Variants in MELTF observed in about 807,000 individuals in gnomAD.
MELTF encodes melanotransferrin, also known as antigen p97 (melanoma associated) identified by monoclonal antibodies 133.2 and 96.5.
MELTF carries 67 observed loss-of-function variants against 83.7 expected under a neutral mutation model. The observed-to-expected ratio is 0.80, with a 90% CI of 0.66 to 0.98. The LOEUF (loss-of-function observed/expected upper bound fraction) is 0.98, where lower values mean the gene tolerates loss of function less well. MELTF is among the 50% of genes least tolerant of loss of function. The pLI is 0.00. For synonymous variants in MELTF, 462 were observed against 447.6 expected (o/e 1.03, Z -0.41); for missense variants, 1,002 against 1,035.6 (o/e 0.97, Z 0.44).
chr3:197,019,104 G>C (rs888338489), intron 6 of MELTF: 3 of 985,774 alleles, frequency 3.0e-6, no homozygotes, highest in Non-Finnish European at 1.2e-6. Context: ...CAGAGTGATC[G>C]TTTAGGAAAA....
chr3:197,013,762 C>T (rs1719263878), intron 9 of MELTF, among the ~76,000 whole-genome samples: 1 of 152,222 alleles, frequency 6.6e-6, no homozygotes, highest in Admixed American at 6.5e-5. Context: ...GCAGCCATCA[C>T]TGATCATCAG....
rs1244415600 is a variant in MELTF, at chr3:197,022,614, A to G, written c.644+343T>C. On this transcript the variant is annotated intron_variant, in intron 5 of 15. Transcript: ENST00000296350. This position sits in a 1 kb window ranked among gnomAD's most constrained non-coding sequence, Gnocchi z 5.1. The stretch of plus-strand genomic sequence containing the variant: ...CCAGCAGCAGAGACGGGCCGGCCCC[A>G]GGTGTCCAGACACACTCCCCTGACC... Among the ~76,000 whole-genome samples, 4 of 152,122 alleles carry G rather than the reference A, an allele frequency of 2.6e-5. No homozygotes were observed. The highest frequency in any genetic ancestry group is 2.0e-4 in the Admixed American group (3 of 15,276).
rs1719773683 is a variant in MELTF at position 197,024,503 on chromosome 3, T to C, written c.305-18A>G. Reference sequence around the variant, plus strand: ...ACCGACCTCTAGGAGGGGAGGGGAGTGGGTGAGGGCAGCAGGGAGAGGCCT... The same window carrying C: ...ACCGACCTCTAGGAGGGGAGGGGAGCGGGTGAGGGCAGCAGGGAGAGGCCT... On this transcript the variant is annotated intron_variant, in intron 3 of 15. Coordinates refer to ENST00000296350, the MANE Select transcript of MELTF (RefSeq NM_005929.6). This position sits in a 1 kb window ranked among gnomAD's most constrained non-coding sequence, Gnocchi z 5.3. 6.4e-7 allele frequency: 1 copy of C among 1,555,712 alleles called. No individual in the cohort carries two copies. The highest frequency in any genetic ancestry group is 8.7e-7 in the Non-Finnish European group (1 of 1,143,492).
chr3:197,026,086 T>G (rs1398195415), intron 3 of MELTF: 4 of 153,232 alleles, frequency 2.6e-5, no homozygotes, highest in African/African-American at 9.6e-5. Context: ...GAACTCACAC[T>G]TTCCAGCACA....
Position 197,015,364 on chromosome 3 carries a change from C to T in MELTF, c.1233+1G>A. The T allele has an allele frequency of 1.3e-6, 2 of 1,555,124 alleles. No individual in the cohort carries two copies. Among genetic ancestry groups the T allele is most frequent in the South Asian group, 2.4e-5 (2 of 84,394 alleles). ...CCACGCTGCACCTGCGTGACTCCCA[C>T]CTGGATCCGCTCCATGCAGTGTTGG... On this transcript the variant is annotated splice_donor_variant, in intron 9 of 15. Coordinates refer to ENST00000296350, the MANE Select transcript of MELTF (RefSeq NM_005929.6). LOFTEE classifies it high-confidence loss of function.
Position 197,024,502 on chromosome 3 carries a change from G to C in MELTF, c.305-17C>G. ...TACCGACCTCTAGGAGGGGAGGGGA[G>C]TGGGTGAGGGCAGCAGGGAGAGGCC... On this transcript the variant is annotated splice_polypyrimidine_tract_variant and intron_variant, in intron 3 of 15. Coordinates refer to ENST00000296350, the MANE Select transcript of MELTF (RefSeq NM_005929.6). This position sits in a 1 kb window ranked among gnomAD's most constrained non-coding sequence, Gnocchi z 5.3. The C allele has an allele frequency of 6.4e-7, 1 of 1,560,050 alleles. No homozygotes were observed. The highest frequency in any genetic ancestry group is 8.7e-7 in the Non-Finnish European group (1 of 1,145,556).
rs755241100 is a variant in MELTF, at chr3:197,024,315, C to T, written c.475G>A (p.Asp159Asn). The T allele has an allele frequency of 1.7e-5, 27 of 1,574,670 alleles. No homozygotes were observed. The Admixed American group carries it at 2.3e-4, about 13-fold the overall frequency. Residue 159 changes from aspartate to asparagine, a missense_variant, in exon 4 of 16, where the codon GAT (aspartate) becomes AAT (asparagine). Physicochemically the swap from Asp to Asn is conservative, Grantham distance 23 (BLOSUM62 1). Coordinates refer to ENST00000296350, the MANE Select transcript of MELTF (RefSeq NM_005929.6). This position sits in a 1 kb window ranked among gnomAD's most constrained non-coding sequence, Gnocchi z 5.3. ...ESGRLSVMGC[D>N]VLKAVSDYFG... The stretch of plus-strand genomic sequence containing the variant: ...CCAAAGCCCTCACCTTTGAGTACAT[C>T]GCAGCCCATCACCGAGAGGCGGCCG...
At position 197,007,887 on chromosome 3, in the gene MELTF, G is replaced by T. The variant is rs1719036147; in HGVS notation, c.1750+770C>A. On this transcript the variant is annotated intron_variant, in intron 13 of 15. Transcript: ENST00000296350. The surrounding 1 kb of genome is among the most constrained non-coding windows in gnomAD (Gnocchi z 4.3). ...CCTTTCTGGGCTAAGTCTATAGGAG[G>T]AGACATGTTGGGAGCGAGTGGAGAA... Among the ~76,000 whole-genome samples the T allele has an allele frequency of 6.6e-6, 1 of 152,226 alleles. No individual in the cohort carries two copies. Among genetic ancestry groups the T allele is most frequent in the Non-Finnish European group, 1.5e-5 (1 of 68,040 alleles).
chr3:197,022,887 G>A lies in MELTF; in HGVS notation c.644+70C>T. On this transcript the variant is annotated intron_variant, in intron 5 of 15. Coordinates refer to ENST00000296350, the MANE Select transcript of MELTF (RefSeq NM_005929.6). This position sits in a 1 kb window ranked among gnomAD's most constrained non-coding sequence, Gnocchi z 5.1. ...TCCACGGCCCTCTCTGGGCAAAGGT[G>A]TTTTTCCCCAGCATTTGTGGCCTCA... The A allele has an allele frequency of 2.0e-6, 3 of 1,467,146 alleles. No individual in the cohort carries two copies. The South Asian group carries it at 3.9e-5, about 19-fold the overall frequency. 90.9% of individuals were successfully genotyped at this position (1,467,146 alleles called of 1,614,324 possible). A position where few individuals can be genotyped will look rare whatever the true frequency, so the allele number is the denominator to read the frequency against.
rs924150680 is a variant in MELTF, at chr3:197,029,654, C to T, written c.49G>A (p.Val17Met). 4.3e-5 allele frequency: 53 copies of T among 1,245,952 alleles called. No homozygotes were observed. Among genetic ancestry groups the T allele is most frequent in the Non-Finnish European group, 4.8e-5 (48 of 996,712 alleles). The allele number at this position is 1,245,952 out of a possible 1,614,324, so 77.2% of individuals were successfully genotyped here. Reference sequence around the variant, plus strand: ...TTTGGCTCTCACAGCGGGGCCTCACCGGTGCGCAGAGCCAGGAGCAGCCAC... The same window carrying T: ...TTTGGCTCTCACAGCGGGGCCTCACTGGTGCGCAGAGCCAGGAGCAGCCAC... ...ALWLLLALRTVLGGMEVRWCA... is the reference protein window; with the variant it reads ...ALWLLLALRTMLGGMEVRWCA... The change falls in exon 1 of 16, where the codon GTG becomes ATG. Residue 17 changes from valine to methionine, a missense_variant and splice_region_variant. Transcript: ENST00000296350. The surrounding 1 kb of genome is among the most constrained non-coding windows in gnomAD (Gnocchi z 6.5).
rs1343319087 is a variant in MELTF at position 197,023,264 on chromosome 3, G to A, written c.488-151C>T. ...TCAGTCTGAGCAAAGCTGGGGAGTG[G>A]ACCCGATCAGTGACCCCCAAACCGG... On this transcript the variant is annotated intron_variant, in intron 4 of 15. Coordinates refer to ENST00000296350, the MANE Select transcript of MELTF (RefSeq NM_005929.6). 6 of 790,264 alleles carry A rather than the reference G, an allele frequency of 7.6e-6. No individual in the cohort carries two copies. The East Asian group carries it at 1.1e-4, about 14-fold the overall frequency. The allele number at this position is 790,264 out of a possible 1,614,324, so 49.0% of individuals were successfully genotyped here. A position where few individuals can be genotyped will look rare whatever the true frequency, so the allele number is the denominator to read the frequency against.
Position 197,009,699 on chromosome 3 carries a change from T to G in MELTF, c.1444A>C (p.Ser482Arg), listed in dbSNP as rs1177871188. Residue 482 changes from serine (S) to arginine (R), a missense_variant, in exon 11 of 16, where the codon AGC becomes CGC. Ser to Arg is a moderately radical substitution (Grantham distance 110). Transcript: ENST00000296350. ...ACGGGGACATCCCAGCCTGCAGGGC[T>G]GCCGAAACCGGCGTGGCAGGAGCGC... The part of the protein sequence containing the change: ...GKRSCHAGFG[S>R]PAGWDVPVGA... 1 of 1,613,808 alleles carries G rather than the reference T, an allele frequency of 6.2e-7. No individual in the cohort carries two copies.
intron 3 of MELTF, among the ~76,000 whole-genome samples, chr3:197,025,266 T>G (rs918130837): frequency 6.6e-6 from 1 of 152,222 alleles, no homozygotes; most frequent in African/African-American, 2.4e-5. Context: ...CAGAATGAAG[T>G]TGAGTTCTAG....
chr3:197,019,572 C>CA (rs752437825), intron 6 of MELTF: 76 of 1,577,058 alleles, frequency 4.8e-5, no homozygotes, highest in Middle Eastern at 1.7e-4. Flanking sequence ...ACCCCCATCT[C>CA]AAAAAAAACC....
At position 197,003,589 on chromosome 3, in the gene MELTF, G is replaced by C; in HGVS notation, c.2138-138C>G. ...CTCCCTCTTTGTGCTCCTTTCCCCT[G>C]CTGCCCTTCCAGATGCGCTCTTTCC... On this transcript the variant is annotated intron_variant, in intron 15 of 15. Transcript: ENST00000296350. The surrounding 1 kb of genome is among the most constrained non-coding windows in gnomAD (Gnocchi z 6.2). 1 of 718,388 alleles carries C rather than the reference G, an allele frequency of 1.4e-6. No individual in the cohort carries two copies. The highest frequency in any genetic ancestry group is 3.5e-5 in the East Asian group (1 of 28,686). The allele number at this position is 718,388 out of a possible 1,614,324, so 44.5% of individuals were successfully genotyped here. A position where few individuals can be genotyped will look rare whatever the true frequency, so the allele number is the denominator to read the frequency against.
Position 197,026,825 on chromosome 3 carries a change from C to T in MELTF, c.205-66G>A, listed in dbSNP as rs556286275. 1.6e-4 allele frequency: 237 copies of T among 1,468,562 alleles called. 7 individuals are homozygous for T. The South Asian group carries it at 2.5e-3, about 16-fold the overall frequency. The allele number at this position is 1,468,562 out of a possible 1,614,324, so 91.0% of individuals were successfully genotyped here. ...CCTGCTCAGCAAAGAACTCGGGACA[C>T]CTACCAGATGGCCTGGGGCCCCACC... On this transcript the variant is annotated intron_variant, in intron 2 of 15. Transcript: ENST00000296350.
Position 197,008,662 on chromosome 3 carries a change from G to T in MELTF, c.1745C>A (p.Thr582Lys). ...CTGCTCTTGCCCCCACCTACCGTTTGTGTTGTCAAAGACGGTTGTGTGCCT... is the reference window on the plus strand; with the variant it reads ...CTGCTCTTGCCCCCACCTACCGTTTTTGTTGTCAAAGACGGTTGTGTGCCT... ...FVRHTTVFDN[T>K]NGHNSEPWAA... Residue 582 changes from threonine (T) to lysine (K), a missense_variant, in exon 13 of 16, where the codon ACA becomes AAA. Thr to Lys is a moderately conservative substitution (Grantham distance 78). Transcript: ENST00000296350. The surrounding 1 kb of genome is among the most constrained non-coding windows in gnomAD (Gnocchi z 5.4). 1 of 1,613,920 alleles carries T rather than the reference G, an allele frequency of 6.2e-7. No homozygotes were observed.
intron 9 of MELTF, among the ~76,000 whole-genome samples, chr3:197,014,322 A>G (rs1181238220): frequency 6.6e-6 from 1 of 152,106 alleles, no homozygotes; most frequent in Non-Finnish European, 1.5e-5. Context: ...TCACAGAAGT[A>G]AAAAGTAGAA....
In MELTF at chr3:197,028,089, C is replaced by T. The variant is rs1002919632; in HGVS notation, c.50-179G>A. On this transcript the variant is annotated intron_variant, in intron 1 of 15. Transcript: ENST00000296350. ...AGAGACAGGGGAAGGGCTGGTATTC[C>T]TGTGCTCAGGGCCTCTCTGACCAGG... 2.2e-5 allele frequency: 15 copies of T among 693,032 alleles called. No individual in the cohort carries two copies. The African/African-American group carries it at 2.7e-4, about 12-fold the overall frequency. 42.9% of individuals were successfully genotyped at this position (693,032 alleles called of 1,614,324 possible). A position where few individuals can be genotyped will look rare whatever the true frequency, so the allele number is the denominator to read the frequency against.
Sources: allele counts gnomAD v4.1 joint callset (sites outside exome capture counted in the v4.1 genomes callset), GRCh38; gene constraint gnomAD v4.1.1; non-coding constraint Gnocchi (gnomAD v3.1); transcripts MANE v1.5; gene names NCBI Gene and HGNC (gene_info 2026-07-23, HGNC 2026-07-21).